The following EGFLAM variants were observed in gnomAD, a reference collection of about 807,000 sequenced individuals.
The protein encoded by EGFLAM is EGF like, fibronectin type III and laminin G domains, also known as pikachurin.
EGFLAM carries 79 observed loss-of-function variants against 113.1 expected under a neutral mutation model. That is an observed-to-expected ratio of 0.70 (90% CI 0.58 to 0.84). The LOEUF is 0.84. EGFLAM is among the 40% of genes least tolerant of loss of function. The pLI, the probability that EGFLAM is intolerant of heterozygous loss-of-function variation, is 0.00. For missense variants in EGFLAM, 1,265 were observed against 1,291.6 expected, an observed-to-expected ratio of 0.98 and a Z score of 0.32; for synonymous variants, 504 against 487.6, an observed-to-expected ratio of 1.03 and a Z score of -0.44.
chr5:38,277,647 T>C (rs1291781971), intron 1 of EGFLAM, among the ~76,000 whole-genome samples: 1 of 152,274 alleles, frequency 6.6e-6, no homozygotes, highest in East Asian at 1.9e-4. Flanking sequence ...CATGATCTTA[T>C]GTATAGAGAA....
chr5:38,309,008 C>T (rs1261692181), intron 1 of EGFLAM, among the ~76,000 whole-genome samples: 3 of 152,112 alleles, frequency 2.0e-5, no homozygotes, highest in African/African-American at 7.2e-5. Flanking sequence ...CTCACAAGAG[C>T]CAATTGTTAA....
In EGFLAM at chr5:38,283,279, G is replaced by C. The variant is rs1345480140; in HGVS notation, c.97+24428G>C. Reference sequence around the variant, plus strand: ...GAACCACCTCCAACAATTACTGGAGGGGGAGGGGGGAAAAGCTTTATTCAT... The same window carrying C: ...GAACCACCTCCAACAATTACTGGAGCGGGAGGGGGGAAAAGCTTTATTCAT... On this transcript the variant is annotated intron_variant, in intron 1 of 21. Coordinates refer to ENST00000322350, the MANE Select transcript of EGFLAM (RefSeq NM_152403.4). Among the ~76,000 whole-genome samples, 4 of 152,120 alleles carry C rather than the reference G, an allele frequency of 2.6e-5. No individual in the cohort carries two copies. In the South Asian group the frequency reaches 6.2e-4, roughly 24 times the overall value.
At chr5:38,444,552 T>G (rs1579940764) in intron 17 of EGFLAM, among the ~76,000 whole-genome samples, 1 of 152,290 alleles carries the variant, frequency 6.6e-6, no homozygotes, top group Middle Eastern at 3.4e-3. Flanking sequence ...TATCAAAACA[T>G]CACTATGTAC....
chr5:38,444,775 A>G (rs947501337), intron 17 of EGFLAM, among the ~76,000 whole-genome samples: 2 of 151,926 alleles, frequency 1.3e-5, no homozygotes, highest in African/African-American at 4.8e-5. Context: ...CGAAACCCCA[A>G]CTCTACTAAA....
rs1297146199 is a variant in EGFLAM, at chr5:38,258,694, G to A, written c.-61G>A. 1.9e-5 allele frequency: 30 copies of A among 1,550,610 alleles called. No homozygotes were observed. The highest frequency in any genetic ancestry group is 2.5e-5 in the Non-Finnish European group (29 of 1,142,996). On this transcript the variant is annotated 5_prime_UTR_variant, in exon 1 of 22. Coordinates refer to ENST00000322350, the MANE Select transcript of EGFLAM (RefSeq NM_152403.4). The stretch of plus-strand genomic sequence containing the variant: ...GGGGCCGCGTCCCCCACGCGCCCCC[G>A]GAGACGCCCTTTCCGTGTGCGCCCG...
chr5:38,345,326 C>T (rs1256835376), intron 3 of EGFLAM: 2 of 152,176 alleles, frequency 1.3e-5, no homozygotes, highest in Non-Finnish European at 1.5e-5. Flanking sequence ...TAAATGAAAA[C>T]TATAATGATG....
At chr5:38,457,957 G>T (rs908178675) in intron 19 of EGFLAM, among the ~76,000 whole-genome samples, 9 of 152,098 alleles carry the variant, frequency 5.9e-5, no homozygotes, top group African/African-American at 1.9e-4. Flanking sequence ...GGGGAGGGAA[G>T]AATGAGGGGT....
intron 17 of EGFLAM, among the ~76,000 whole-genome samples, chr5:38,441,593 TACACACACACAC>T (rs3048229): frequency 2.0e-5 from 3 of 147,660 alleles, no homozygotes; most frequent in East Asian, 4.0e-4. Flanking sequence ...CGCTGCTTTG[TACACACACACAC>T]ACACACACAC....
At chr5:38,407,175 G>A (rs1216420273) in intron 8 of EGFLAM, 29 bp downstream of exon 8, 2 of 1,603,744 alleles carry the variant, frequency 1.2e-6, no homozygotes, top group Admixed American at 1.7e-5. Context: ...GGAAGAAGTG[G>A]TGATGAATTG....
chr5:38,335,440 G>A (rs1739159251), intron 1 of EGFLAM, among the ~76,000 whole-genome samples: 1 of 152,074 alleles, frequency 6.6e-6, no homozygotes, highest in Non-Finnish European at 1.5e-5. Flanking sequence ...CCTCCTGTGG[G>A]GTTCCTTCTT....
At chr5:38,355,400 G>A (rs529980693) in intron 5 of EGFLAM, among the ~76,000 whole-genome samples, 2 of 152,272 alleles carry the variant, frequency 1.3e-5, no homozygotes, top group East Asian at 3.9e-4. Context: ...ATGTGTCTGA[G>A]GTCACATGCT....
chr5:38,387,458 T>A (rs1440691129), intron 6 of EGFLAM, among the ~76,000 whole-genome samples: 1 of 152,222 alleles, frequency 6.6e-6, no homozygotes, highest in Non-Finnish European at 1.5e-5. Flanking sequence ...ATCTTTTCTC[T>A]GATCAGTAAG....
chr5:38,326,677 A>G lies in EGFLAM; in HGVS notation c.98-10843A>G, dbSNP rs567887341. Among the ~76,000 whole-genome samples, 15 of 150,982 alleles carry G rather than the reference A, an allele frequency of 9.9e-5. No homozygotes were observed. The South Asian group carries it at 3.2e-3, about 32-fold the overall frequency. ...CTGGCGTTTTTTTGTATTTTTTAGT[A>G]GAGATGGGGTTTCACCATGTTAGCC... On this transcript the variant is annotated intron_variant, in intron 1 of 21. Transcript: ENST00000322350.
intron 14 of EGFLAM, 31 bp from the exon 15 acceptor site, chr5:38,431,146 A>C (rs1362415608): frequency 1.3e-6 from 2 of 1,599,882 alleles, no homozygotes; most frequent in South Asian, 2.2e-5. Flanking sequence ...AACTCGATAC[A>C]TAAAAATAAT....
intron 1 of EGFLAM, among the ~76,000 whole-genome samples, chr5:38,321,259 A>G (rs1738732790): frequency 2.0e-5 from 3 of 152,132 alleles, no homozygotes; most frequent in Admixed American, 1.3e-4. Context: ...ACAGTTCACA[A>G]TAGGGTTCGT....
rs2589812 is a variant in EGFLAM, at chr5:38,352,374, C to T, written c.545+43C>T. 322,730 of 1,606,272 alleles carry T rather than the reference C, an allele frequency of 0.2. 33,173 individuals are homozygous for T. Among genetic ancestry groups the T allele is most frequent in the African/African-American group, 0.29 (21,963 of 74,742 alleles). ...ATTCAAAAGCCAAATGTGTGCTGGG[C>T]GCGGTGGCTCACACCTGTAATCCCA... On this transcript the variant is annotated intron_variant, in intron 5 of 21. Coordinates refer to ENST00000322350, the MANE Select transcript of EGFLAM (RefSeq NM_152403.4).
In EGFLAM at chr5:38,464,243, G is replaced by A. The variant is rs548527456; in HGVS notation, c.*257G>A. ...GGACTTTGTCCATTGAATATGTAGCGGCTGCCAGAGATCACACATCAATGC... is the reference window on the plus strand; with the variant it reads ...GGACTTTGTCCATTGAATATGTAGCAGCTGCCAGAGATCACACATCAATGC... On this transcript the variant is annotated 3_prime_UTR_variant, in exon 22 of 22. Coordinates refer to ENST00000322350, the MANE Select transcript of EGFLAM (RefSeq NM_152403.4). The A allele has an allele frequency of 8.6e-5, 40 of 466,256 alleles. No individual in the cohort carries two copies. In the South Asian group the frequency reaches 1.2e-3, roughly 14 times the overall value. 28.9% of individuals were successfully genotyped at this position (466,256 alleles called of 1,614,324 possible). A position where few individuals can be genotyped will look rare whatever the true frequency, so the allele number is the denominator to read the frequency against.
At chr5:38,290,001 A>G (rs1052812071) in intron 1 of EGFLAM, among the ~76,000 whole-genome samples, 2 of 152,200 alleles carry the variant, frequency 1.3e-5, no homozygotes, top group Non-Finnish European at 2.9e-5. Context: ...CTTAGCTCAC[A>G]ACAGTTATTC....
At chr5:38,397,531 A>G (rs915800597) in intron 6 of EGFLAM, among the ~76,000 whole-genome samples, 1 of 152,128 alleles carries the variant, frequency 6.6e-6, no homozygotes, top group Non-Finnish European at 1.5e-5. Context: ...GGGCTCAAGC[A>G]ATCTTCCCAC....
Sources: allele counts gnomAD v4.1 joint callset (sites outside exome capture counted in the v4.1 genomes callset), GRCh38; gene constraint gnomAD v4.1.1; transcripts MANE v1.5; gene names NCBI Gene and HGNC (gene_info 2026-07-23, HGNC 2026-07-21).